Variants in NUDCD3 observed in about 807,000 individuals in gnomAD.
NUDCD3 encodes the protein NudC domain containing 3, also known as nudC domain-containing protein 3.
Under a neutral mutation model 39.7 loss-of-function variants are expected in NUDCD3, and 13 were observed. The ratio of observed to expected loss-of-function variants is 0.33; its 90% CI spans 0.21 to 0.52. The LOEUF (loss-of-function observed/expected upper bound fraction) is 0.52. NUDCD3 is among the 20% of genes least tolerant of loss of function. NUDCD3 has a pLI of 0.96. For synonymous variants in NUDCD3, 175 were observed against 172.4 expected, an observed-to-expected ratio of 1.02 and a Z score of -0.12; for missense variants, 453 against 458.1, an observed-to-expected ratio of 0.99 and a Z score of 0.10.
At chr7:44,473,285 T>TAGAA (rs1800294668) in intron 2 of NUDCD3, among the ~76,000 whole-genome samples, 1 of 152,148 alleles carries the variant, frequency 6.6e-6, no homozygotes, top group Non-Finnish European at 1.5e-5. Flanking sequence ...GACCAAACAA[T>TAGAA]ATGAACATCA....
At chr7:44,474,585 C>T (rs1414769265) in intron 2 of NUDCD3, among the ~76,000 whole-genome samples, 2 of 152,166 alleles carry the variant, frequency 1.3e-5, no homozygotes, top group African/African-American at 4.8e-5. Context: ...GCTCCCTGAA[C>T]CCATCCAACT....
chr7:44,477,286 C>T lies in NUDCD3; in HGVS notation c.509+7682G>A, dbSNP rs529921480. On this transcript the variant is annotated intron_variant, in intron 2 of 5. Coordinates refer to ENST00000355451, the MANE Select transcript of NUDCD3 (RefSeq NM_015332.4). ...AATGCACACCAACAGTGTTGGAGCA[C>T]TCTGTTCCTCATCCAAAGGACAAAA... 4.6e-5 allele frequency among the ~76,000 whole-genome samples: 7 copies of T among 152,314 alleles called. No individual in the cohort carries two copies. The South Asian group carries it at 1.4e-3, about 32-fold the overall frequency.
At chr7:44,454,534 G>A (rs987138590) in intron 2 of NUDCD3, among the ~76,000 whole-genome samples, 6 of 152,136 alleles carry the variant, frequency 3.9e-5, no homozygotes, top group Admixed American at 3.3e-4. Context: ...AACCACCTCC[G>A]TGAGCTATGC....
intron 4 of NUDCD3, among the ~76,000 whole-genome samples, chr7:44,402,461 G>A (rs1798743730): frequency 6.6e-6 from 1 of 152,218 alleles, no homozygotes; most frequent in African/African-American, 2.4e-5. Context: ...GTTGAGCTAT[G>A]TATTAATAAT....
intron 3 of NUDCD3, among the ~76,000 whole-genome samples, chr7:44,422,396 T>A (rs1411510650): frequency 1.3e-5 from 2 of 150,322 alleles, no homozygotes; most frequent in African/African-American, 4.9e-5. Context: ...CTAACCAGAA[T>A]AATAAAGAAG....
chr7:44,456,025 C>CAAAAAAAAAAAAAA (rs1233592095), intron 2 of NUDCD3, among the ~76,000 whole-genome samples: 3 of 28,500 alleles, frequency 1.1e-4, no homozygotes, highest in African/African-American at 1.5e-4. Context: ...GACTCCGTCT[C>CAAAAAAAAAAAAAA]AAAAAAAAAA....
At chr7:44,463,274 A>G (rs1800053465) in intron 2 of NUDCD3, among the ~76,000 whole-genome samples, 1 of 152,092 alleles carries the variant, frequency 6.6e-6, no homozygotes, top group Non-Finnish European at 1.5e-5. Flanking sequence ...ACTCACTTGA[A>G]CCTAAGTGGC....
At chr7:44,459,925 T>C (rs1267950826) in intron 2 of NUDCD3, among the ~76,000 whole-genome samples, 1 of 152,208 alleles carries the variant, frequency 6.6e-6, no homozygotes, top group African/African-American at 2.4e-5. Context: ...ATAATATCAA[T>C]TAAAGTCCCC....
chr7:44,448,728 G>C (rs1049912211), intron 2 of NUDCD3, among the ~76,000 whole-genome samples: 2 of 151,852 alleles, frequency 1.3e-5, no homozygotes, highest in African/African-American at 4.8e-5. Flanking sequence ...AGTTGGACAT[G>C]GACCACCTGC....
At chr7:44,400,247 AT>A (rs1281627039) in intron 4 of NUDCD3, among the ~76,000 whole-genome samples, 5 of 147,726 alleles carry the variant, frequency 3.4e-5, no homozygotes, top group Non-Finnish European at 4.5e-5. Context: ...AAGAAGTCTC[AT>A]TTAACATTCT....
intron 4 of NUDCD3, among the ~76,000 whole-genome samples, chr7:44,400,605 C>T (rs1460093940): frequency 6.6e-6 from 1 of 152,206 alleles, no homozygotes; most frequent in Admixed American, 6.5e-5. Context: ...CAAGGCAATA[C>T]AAATTTATTA....
rs922467758 is a variant in NUDCD3, at chr7:44,428,274, A to G, written c.510-571T>C. 3.3e-5 allele frequency among the ~76,000 whole-genome samples: 5 copies of G among 152,140 alleles called. No homozygotes were observed. The East Asian group carries it at 5.8e-4, about 18-fold the overall frequency. On this transcript the variant is annotated intron_variant, in intron 2 of 5. Coordinates refer to ENST00000355451, the MANE Select transcript of NUDCD3 (RefSeq NM_015332.4). ...AACATGGTGAAACCCTGTCTCTACT[A>G]AAAATACAAAAATTAGCTGAGCATG...
rs556350880 is a variant in NUDCD3 at position 44,468,306 on chromosome 7, C to T, written c.509+16662G>A. The T allele has an allele frequency of 3.4e-5, 50 of 1,460,472 alleles. 1 individual carries two copies. In the Middle Eastern group the frequency reaches 9.8e-4, roughly 29 times the overall value. 90.5% of individuals were successfully genotyped at this position (1,460,472 alleles called of 1,614,324 possible). ...CTGCGCAGCGAAGAAAATGAGTAGA[C>T]AGCTCGTGTGCACGTTTTCTGTTTA... is the stretch of plus-strand genomic sequence containing the variant. On this transcript the variant is annotated intron_variant, in intron 2 of 5. Transcript: ENST00000355451.
At chr7:44,438,986 T>C (rs1426575276) in intron 2 of NUDCD3, among the ~76,000 whole-genome samples, 2 of 151,972 alleles carry the variant, frequency 1.3e-5, no homozygotes, top group Non-Finnish European at 2.9e-5. Context: ...TACACCTCGG[T>C]GAAGAGGAGG....
Position 44,396,815 on chromosome 7 carries a change from A to C in NUDCD3, c.787-4330T>G, listed in dbSNP as rs562986333. Among the ~76,000 whole-genome samples, 2 of 152,218 alleles carry C rather than the reference A, an allele frequency of 1.3e-5. 1 individual carries two copies. Among genetic ancestry groups the C allele is most frequent in the South Asian group, 4.1e-4 (2 of 4,830 alleles). ...ATGGTACAGAGCATACAGGTCTTGC[A>C]GGGCTGTCTTCCGACACCCAGTGCA... On this transcript the variant is annotated intron_variant, in intron 4 of 5. Transcript: ENST00000355451.
intron 2 of NUDCD3, among the ~76,000 whole-genome samples, chr7:44,431,036 T>G (rs973592486): frequency 1.3e-5 from 2 of 152,238 alleles, no homozygotes; most frequent in Non-Finnish European, 2.9e-5. Context: ...AAAACAGCCC[T>G]TGCAAGTTGT....
chr7:44,476,922 T>C (rs776709295), intron 2 of NUDCD3, among the ~76,000 whole-genome samples: 2 of 152,152 alleles, frequency 1.3e-5, no homozygotes, highest in Non-Finnish European at 2.9e-5. Flanking sequence ...AGAGTGCCCA[T>C]ACCTACGGAG....
chr7:44,418,666 C>A (rs559200166), intron 3 of NUDCD3, among the ~76,000 whole-genome samples: 4 of 152,342 alleles, frequency 2.6e-5, no homozygotes, highest in Admixed American at 6.5e-5. Flanking sequence ...CTCTGGTCTG[C>A]AGCTCCCAGT....
At chr7:44,431,736 G>A (rs539679246) in intron 2 of NUDCD3, among the ~76,000 whole-genome samples, 3 of 138,274 alleles carry the variant, frequency 2.2e-5, no homozygotes, top group East Asian at 4.4e-4. Flanking sequence ...GCAGTGCCAC[G>A]ATCTCGGCTC....
Sources: gnomAD v4.1 joint callset for allele counts (sites outside exome capture counted in the v4.1 genomes callset) on GRCh38, gnomAD v4.1.1 for gene constraint, MANE v1.5 for transcripts, NCBI Gene and HGNC (gene_info 2026-07-23, HGNC 2026-07-21) for gene names.